The following ZFR variants were observed in gnomAD, a reference collection of about 807,000 sequenced individuals.
ZFR encodes zinc finger RNA binding protein, also known as zinc finger RNA-binding protein.
Under a neutral mutation model 130.7 loss-of-function variants are expected in ZFR, and 19 were observed. The ratio of observed to expected loss-of-function variants is 0.15; its 90% CI spans 0.10 to 0.21. ZFR has a LOEUF of 0.21. Among genes scored for constraint, ZFR ranks in the 10% least tolerant of loss-of-function variants. ZFR has a pLI of 1.00. For missense variants in ZFR, 872 were observed against 1,321.5 expected, an observed-to-expected ratio of 0.66 and a Z score of 5.27; for synonymous variants, 466 against 456.9, an observed-to-expected ratio of 1.02 and a Z score of -0.25.
intron 15 of ZFR, among the ~76,000 whole-genome samples, chr5:32,383,309 CCT>C (rs1437358335): frequency 6.6e-6 from 1 of 152,154 alleles, no homozygotes; most frequent in African/African-American, 2.4e-5. Flanking sequence ...GGCAGCAACC[CCT>C]GACAGGATCA....
intron 2 of ZFR, among the ~76,000 whole-genome samples, chr5:32,439,361 C>T (rs896702127): frequency 1.3e-5 from 2 of 152,026 alleles, no homozygotes; most frequent in Non-Finnish European, 2.9e-5. Flanking sequence ...TTTATTCTTT[C>T]CTGAATTCAA....
At chr5:32,422,798 C>CAAAAAAAAA (rs10693151) in intron 2 of ZFR, among the ~76,000 whole-genome samples, 739 of 23,970 alleles carry the variant, frequency 0.031, 143 homozygotes, top group Non-Finnish European at 0.034. Context: ...AAACCTGTCT[C>CAAAAAAAAA]AAAAAAAAAA....
chr5:32,394,023 T>C (rs956706168), intron 11 of ZFR, among the ~76,000 whole-genome samples: 2 of 152,220 alleles, frequency 1.3e-5, no homozygotes, highest in East Asian at 3.9e-4. Context: ...CAAAAATTAC[T>C]ATGTCCTCAT....
At chr5:32,432,767 CACCCAGGAAGG>C (rs1754252592) in intron 2 of ZFR, among the ~76,000 whole-genome samples, 1 of 151,986 alleles carries the variant, frequency 6.6e-6, no homozygotes, top group South Asian at 2.1e-4. Flanking sequence ...TTCACTCTGT[CACCCAGGAAGG>C]AGTGCAGTGG....
At chr5:32,404,500 G>A (rs1753536447) in intron 6 of ZFR, among the ~76,000 whole-genome samples, 1 of 152,116 alleles carries the variant, frequency 6.6e-6, no homozygotes, top group Non-Finnish European at 1.5e-5. Flanking sequence ...GAAAGAAAAA[G>A]TTACTGTATG....
chr5:32,443,965 G>T (rs1290436067), intron 2 of ZFR, among the ~76,000 whole-genome samples: 2 of 151,914 alleles, frequency 1.3e-5, no homozygotes, highest in Non-Finnish European at 2.9e-5. Flanking sequence ...CCGCTGAAGG[G>T]CCCTGAGGCC....
chr5:32,377,214 TTCTC>T lies in ZFR; in HGVS notation c.2835+1897_2835+1900del, dbSNP rs143572606. Among the ~76,000 whole-genome samples the T allele has an allele frequency of 9.3e-4, 137 of 147,490 alleles. 3 individuals are homozygous for T. The South Asian group carries it at 0.029, about 31-fold the overall frequency. On this transcript the variant is annotated intron_variant, in intron 17 of 19. Transcript: ENST00000265069. ...TTTCCTTCTCTTTCTTTATTTCTCT[TTCTC>T]TCTCTCTCTCTCTCTCCTCTCTCTC...
At chr5:32,394,226 G>A (rs1410055162) in intron 11 of ZFR, among the ~76,000 whole-genome samples, 1 of 152,028 alleles carries the variant, frequency 6.6e-6, no homozygotes, top group Non-Finnish European at 1.5e-5. Context: ...ACTAATGAAC[G>A]AATAAACAAA....
intron 19 of ZFR, among the ~76,000 whole-genome samples, chr5:32,358,665 T>G (rs925283619): frequency 6.6e-6 from 1 of 151,886 alleles, no homozygotes; most frequent in Non-Finnish European, 1.5e-5. Context: ...TTTTTAAAGT[T>G]CTATCCTCTT....
chr5:32,411,715 G>GA (rs1554073353), intron 5 of ZFR, among the ~76,000 whole-genome samples: 2 of 10,918 alleles, frequency 1.8e-4, no homozygotes, highest in Admixed American at 3.2e-3. Flanking sequence ...ATTGAGGGGG[G>GA]GCGGGGAATA....
rs1283300640 is a variant in ZFR, at chr5:32,356,563, C to T, written c.3046-624G>A. Among the ~76,000 whole-genome samples, 3 of 152,032 alleles carry T rather than the reference C, an allele frequency of 2.0e-5. No individual in the cohort carries two copies. The East Asian group carries it at 5.8e-4, about 29-fold the overall frequency. ...AAGTAGCTGGGACTACAGGTGCCCG[C>T]CACCACGCCTGGCTAATTTTTTTTT... On this transcript the variant is annotated intron_variant, in intron 19 of 19. Coordinates refer to ENST00000265069, the MANE Select transcript of ZFR (RefSeq NM_016107.5).
chr5:32,384,471 C>T (rs1205452891), intron 15 of ZFR, among the ~76,000 whole-genome samples: 3 of 152,142 alleles, frequency 2.0e-5, no homozygotes, highest in African/African-American at 7.2e-5. Context: ...AGCCCAGTGT[C>T]TTAAAAAATT....
intron 17 of ZFR, among the ~76,000 whole-genome samples, chr5:32,366,675 CA>C (rs35622537): frequency 6.6e-6 from 1 of 151,718 alleles, no homozygotes; most frequent in South Asian, 2.1e-4. Context: ...GAATATAATT[CA>C]AAAGTAAAAA....
chr5:32,437,283 G>C (rs1482369949), intron 2 of ZFR, among the ~76,000 whole-genome samples: 2 of 152,066 alleles, frequency 1.3e-5, no homozygotes, highest in Non-Finnish European at 2.9e-5. Context: ...TCATGCCCCA[G>C]AAGTGTAAAC....
In ZFR at chr5:32,415,147, A is replaced by C; in HGVS notation, c.606T>G (p.Thr202=). The C allele has an allele frequency of 6.2e-7, 1 of 1,614,070 alleles. No individual in the cohort carries two copies. ...AGYSQGATQY[T]QAQQTRQVTA... is the part of the protein sequence containing the mutation. ...TCACTTGTCGAGTTTGCTGGGCTTG[A>C]GTATACTGAGTTGCACCTTGGCTGT... Residue 202 remains threonine, a synonymous_variant, in exon 5 of 20, where the codon ACT becomes ACG. Coordinates refer to ENST00000265069, the MANE Select transcript of ZFR (RefSeq NM_016107.5).
chr5:32,382,239 A>G (rs1054597278), intron 15 of ZFR, among the ~76,000 whole-genome samples: 1 of 152,012 alleles, frequency 6.6e-6, no homozygotes, highest in African/African-American at 2.4e-5. Flanking sequence ...TGAACCTGGG[A>G]GGTGGAGGTT....
intron 7 of ZFR, 23 bp from the exon 8 acceptor site, chr5:32,403,420 T>A: frequency 6.3e-7 from 1 of 1,596,240 alleles, no homozygotes; most frequent in Non-Finnish European, 8.6e-7. Flanking sequence ...AGCACACTTA[T>A]TTGTCAGGAA....
chr5:32,402,784 G>GAAAAAAAA (rs34053562), intron 8 of ZFR, among the ~76,000 whole-genome samples: 1 of 133,678 alleles, frequency 7.5e-6, no homozygotes. Context: ...TCTCAAAAAT[G>GAAAAAAAA]AAAAAAAAAA....
At chr5:32,397,473 G>C (rs1753340818) in intron 9 of ZFR, 135 bp from the exon 10 acceptor site, 6 of 1,142,884 alleles carry the variant, frequency 5.2e-6, no homozygotes, top group African/African-American at 3.1e-5. Flanking sequence ...TTTTTCCCCA[G>C]GACAGAGTCT....
Sources: gnomAD v4.1 joint callset for allele counts (sites outside exome capture counted in the v4.1 genomes callset) on GRCh38, gnomAD v4.1.1 for gene constraint, MANE v1.5 for transcripts, NCBI Gene and HGNC (gene_info 2026-07-23, HGNC 2026-07-21) for gene names.